The following ABCA5 variants were observed in gnomAD, a reference collection of about 807,000 sequenced individuals.
ABCA5 encodes cholesterol transporter ABCA5.
ABCA5 carries 163 observed loss-of-function variants against 206.0 expected under a neutral mutation model. The observed-to-expected ratio is 0.79, with a 90% CI of 0.70 to 0.90. The LOEUF is 0.90. Ranked by LOEUF, ABCA5 falls within the 40% of genes least tolerant of loss-of-function variation. The pLI is 0.00. For missense variants in ABCA5, 1,859 were observed against 1,912.9 expected, an observed-to-expected ratio of 0.97 and a Z score of 0.53; for synonymous variants, 609 against 613.8, an observed-to-expected ratio of 0.99 and a Z score of 0.11.
Position 69,246,726 on chromosome 17 carries a change from TC to T in ABCA5, c.*810del, listed in dbSNP as rs1215341333. ...GGAAGATGACAAAAAATTTATATGT[TC>T]CAAGAGTGATGAAGGAAAAGGTATG... On this transcript the variant is annotated 3_prime_UTR_variant, in exon 39 of 39. Coordinates refer to ENST00000392676, the MANE Select transcript of ABCA5 (RefSeq NM_172232.4). 6.6e-6 allele frequency: 1 copy of T among 151,936 alleles called. No homozygotes were observed. Among genetic ancestry groups the T allele is most frequent in the Non-Finnish European group, 1.5e-5 (1 of 67,810 alleles). 9.4% of individuals were successfully genotyped at this position (151,936 alleles called of 1,614,324 possible).
chr17:69,293,173 AC>A (rs1567771367), intron 11 of ABCA5, among the ~76,000 whole-genome samples: 2 of 151,900 alleles, frequency 1.3e-5, no homozygotes, highest in Non-Finnish European at 2.9e-5. Flanking sequence ...ATACACACAC[AC>A]ACACACACAA....
chr17:69,284,959 C>CA (rs543641590), intron 17 of ABCA5, among the ~76,000 whole-genome samples: 123 of 152,266 alleles, frequency 8.1e-4, no homozygotes, highest in African/African-American at 2.9e-3. Context: ...TAAGAGTCAA[C>CA]AACAAAGTAT....
chr17:69,297,290 T>A lies in ABCA5; in HGVS notation c.1337A>T (p.Asn446Ile). The change falls in exon 10 of 39, where the codon AAT becomes ATT. Residue 446 changes from asparagine (N) to isoleucine (I), a missense_variant. Physicochemically the swap from Asn to Ile is moderately radical, Grantham distance 149. Transcript: ENST00000392676. The stretch of plus-strand genomic sequence containing the variant: ...ATTGCCCTCTGATAACTCCTCATAA[T>A]TTCTTTTGCTCTTTGACCAATATGA... ...KPSYWSKSKRNYEELSEGNVN... is the reference protein window; with the variant it reads ...KPSYWSKSKRIYEELSEGNVN... 6.2e-7 allele frequency: 1 copy of A among 1,613,004 alleles called. No individual in the cohort carries two copies. The highest frequency in any genetic ancestry group is 8.5e-7 in the Non-Finnish European group (1 of 1,179,552).
intron 9 of ABCA5, among the ~76,000 whole-genome samples, chr17:69,298,652 A>C (rs1008614277): frequency 4.0e-5 from 6 of 151,782 alleles, no homozygotes; most frequent in African/African-American, 1.5e-4. Context: ...CACGTAGAAG[A>C]ATGAAACTGG....
intron 30 of ABCA5, 39 bp from the exon 31 acceptor site, chr17:69,255,673 A>C: frequency 6.4e-7 from 1 of 1,573,456 alleles, no homozygotes; most frequent in Non-Finnish European, 8.6e-7. Flanking sequence ...TAATCAAATC[A>C]TACTAAAAGT....
chr17:69,317,591 A>C (rs1172526920), intron 1 of ABCA5: 3 of 152,094 alleles, frequency 2.0e-5, no homozygotes, highest in Non-Finnish European at 4.4e-5. Context: ...GAGGCCAGGG[A>C]GAGTAAAGAA....
chr17:69,293,049 G>T (rs2075545009), intron 11 of ABCA5, among the ~76,000 whole-genome samples: 1 of 152,194 alleles, frequency 6.6e-6, no homozygotes, highest in Admixed American at 6.5e-5. Context: ...TTGCCTCCTA[G>T]AAGACATTTG....
intron 19 of ABCA5, among the ~76,000 whole-genome samples, 154 bp downstream of exon 19, chr17:69,277,487 A>AT (rs1205326827): frequency 2.6e-5 from 4 of 152,140 alleles, no homozygotes; most frequent in Non-Finnish European, 4.4e-5. Context: ...AATTATTGTA[A>AT]TTTTTTTCTC....
chr17:69,323,412 A>G (rs2075878999), intron 1 of ABCA5, among the ~76,000 whole-genome samples: 1 of 152,112 alleles, frequency 6.6e-6, no homozygotes, highest in Admixed American at 6.6e-5. Context: ...AAACCTCTCC[A>G]CTTTGGAGCA....
intron 16 of ABCA5, 72 bp from the exon 17 acceptor site, chr17:69,286,109 A>G: frequency 1.3e-6 from 2 of 1,563,160 alleles, no homozygotes; most frequent in Non-Finnish European, 1.7e-6. Flanking sequence ...AAGGCTTTAA[A>G]TTAAATTTAG....
rs1301939722 is a variant in ABCA5, at chr17:69,247,559, T to C, written c.4907A>G (p.Gln1636Arg). The C allele has an allele frequency of 1.2e-6, 2 of 1,607,194 alleles. No homozygotes were observed. The highest frequency in any genetic ancestry group is 1.7e-4 in the Middle Eastern group (1 of 6,040). Residue 1636 changes from glutamine (Q) to arginine (R), a missense_variant, in exon 39 of 39, where the codon CAA becomes CGA. Physicochemically the swap from Gln to Arg is conservative, Grantham distance 43. Transcript: ENST00000392676. The stretch of plus-strand genomic sequence containing the variant: ...AATTCAAAATACTACTCTATCTTCT[T>C]GTGTTCGTTCCCACCAAAGTGTGCT... ...LNSTLWWERT[Q>R]EDRVVF
At chr17:69,298,122 C>T (rs2075602620) in intron 9 of ABCA5, among the ~76,000 whole-genome samples, 1 of 151,886 alleles carries the variant, frequency 6.6e-6, no homozygotes, top group South Asian at 2.1e-4. Context: ...GGAGGCTGAG[C>T]CTGCAGTGAG....
rs1157606136 is a variant in ABCA5 at position 69,298,949 on chromosome 17, CTA to C, written c.1268-1592_1268-1591del. ...TTGACAAAGGACTAACATCTAGAAT[CTA>C]TGAGTCACTCAAATCAGCAAGAACA... On this transcript the variant is annotated intron_variant, in intron 9 of 38. Transcript: ENST00000392676. Among the ~76,000 whole-genome samples the C allele has an allele frequency of 2.0e-5, 3 of 152,080 alleles. No homozygotes were observed. In the East Asian group the frequency reaches 5.8e-4, roughly 29 times the overall value.
intron 6 of ABCA5, among the ~76,000 whole-genome samples, chr17:69,305,746 C>G (rs112838451): frequency 6.6e-6 from 1 of 152,066 alleles, no homozygotes; most frequent in Non-Finnish European, 1.5e-5. Flanking sequence ...CAGCATGCAC[C>G]TGTAGTCCCA....
Position 69,246,946 on chromosome 17 carries a change from G to C in ABCA5, c.*591C>G, listed in dbSNP as rs2074958234. The C allele has an allele frequency of 6.6e-6, 1 of 151,830 alleles. No homozygotes were observed. The highest frequency in any genetic ancestry group is 1.9e-4 in the East Asian group (1 of 5,190). The allele number at this position is 151,830 out of a possible 1,614,324, so 9.4% of individuals were successfully genotyped here. On this transcript the variant is annotated 3_prime_UTR_variant, in exon 39 of 39. Transcript: ENST00000392676. ...GCCTAAAATCATGTACTAGAACAAG[G>C]GCTCATTTCACTTATTATGATCAAT...
intron 26 of ABCA5, 29 bp downstream of exon 26, chr17:69,261,096 T>C (rs1286305146): frequency 6.7e-7 from 1 of 1,489,322 alleles, no homozygotes. Flanking sequence ...TTATGTTTTT[T>C]AACATATTAA....
At chr17:69,252,113 A>T (rs533878232) in intron 34 of ABCA5, among the ~76,000 whole-genome samples, 1 of 150,782 alleles carries the variant, frequency 6.6e-6, no homozygotes, top group Non-Finnish European at 1.5e-5. Flanking sequence ...CCAGGTTCAC[A>T]CCATTCTCCT....
Position 69,308,374 on chromosome 17 carries a change from G to C in ABCA5, c.470-6C>G, listed in dbSNP as rs747974182. ...ACATGATTTTGAACAGCCAGCTATGGGGGGAAGAATATGAGATCTAAGATT... is the reference window on the plus strand; with the variant it reads ...ACATGATTTTGAACAGCCAGCTATGCGGGGAAGAATATGAGATCTAAGATT... On this transcript the variant is annotated splice_polypyrimidine_tract_variant and splice_region_variant and intron_variant, in intron 4 of 38. Transcript: ENST00000392676. 2 of 1,602,540 alleles carry C rather than the reference G, an allele frequency of 1.2e-6. No individual in the cohort carries two copies. The highest frequency in any genetic ancestry group is 2.2e-5 in the South Asian group (2 of 90,556).
chr17:69,278,790 G>T lies in ABCA5; in HGVS notation c.2393-948C>A, dbSNP rs771336300. Reference sequence around the variant, plus strand: ...ACAGAGCCAAAGACAAAAACCACATGATTATCTCAACAGATGCAGAAAAGG... The same window carrying T: ...ACAGAGCCAAAGACAAAAACCACATTATTATCTCAACAGATGCAGAAAAGG... On this transcript the variant is annotated intron_variant, in intron 18 of 38. Transcript: ENST00000392676. 7.4e-4 allele frequency among the ~76,000 whole-genome samples: 112 copies of T among 152,056 alleles called. 1 individual carries two copies. The highest frequency in any genetic ancestry group is 5.3e-4 in the Non-Finnish European group (36 of 68,014).
Sources: gnomAD v4.1 joint callset for allele counts (sites outside exome capture counted in the v4.1 genomes callset) on GRCh38, gnomAD v4.1.1 for gene constraint, MANE v1.5 for transcripts, NCBI Gene and HGNC (gene_info 2026-07-23, HGNC 2026-07-21) for gene names.